Variants in GUCY2C observed in about 807,000 individuals in gnomAD.
GUCY2C encodes guanylyl cyclase C.
Under a neutral mutation model 131.1 loss-of-function variants are expected in GUCY2C, and 118 were observed. That is an observed-to-expected ratio of 0.90 (90% CI 0.78 to 1.05). The LOEUF is 1.05. Among genes scored for constraint, GUCY2C ranks in the 50% least tolerant of loss-of-function variants. GUCY2C has a pLI of 0.00. For synonymous variants in GUCY2C, 452 were observed against 457.8 expected (o/e 0.99, Z 0.16); for missense variants, 1,161 against 1,304.4 (o/e 0.89, Z 1.69).
At chr12:14,665,672 C>T (rs1305848477) in intron 10 of GUCY2C, 8 of 152,188 alleles carry the variant, frequency 5.3e-5, no homozygotes, top group African/African-American at 1.4e-4. Context: ...GGCACCAAAT[C>T]TGCATTGTCC....
chr12:14,642,350 C>T (rs998869567), intron 17 of GUCY2C, among the ~76,000 whole-genome samples: 1 of 152,162 alleles, frequency 6.6e-6, no homozygotes, highest in Admixed American at 6.5e-5. Context: ...AATTTTTCTT[C>T]AACATGCTTC....
intron 26 of GUCY2C, among the ~76,000 whole-genome samples, chr12:14,614,173 G>A (rs1284187482): frequency 3.3e-5 from 5 of 152,088 alleles, no homozygotes; most frequent in Non-Finnish European, 7.4e-5. Context: ...CTGTTCTCCC[G>A]AGCAAGCCTG....
At chr12:14,663,484 C>A (rs1026820318) in intron 10 of GUCY2C, among the ~76,000 whole-genome samples, 2 of 152,084 alleles carry the variant, frequency 1.3e-5, no homozygotes, top group Admixed American at 6.5e-5. Flanking sequence ...GGTTTCATCA[C>A]GTTGGCCAGG....
In GUCY2C at chr12:14,651,501, A is replaced by T; in HGVS notation, c.1616T>A (p.Ile539Asn). The T allele has an allele frequency of 6.3e-7, 1 of 1,583,578 alleles. No individual in the cohort carries two copies. Among genetic ancestry groups the T allele is most frequent in the Non-Finnish European group, 8.7e-7 (1 of 1,152,524 alleles). ...QKIELNKLLQ[I>N]DYYNLTKFYG... The stretch of plus-strand genomic sequence containing the variant: ...GAACTTGGTCAGGTTGTAATAGTCA[A>T]TCTGAAGCAACTAGAAGAACGTGTT... Residue 539 changes from isoleucine (I) to asparagine (N), a missense_variant, in exon 15 of 27, where the codon ATT (isoleucine) becomes AAT (asparagine). Ile to Asn is a moderately radical substitution (Grantham distance 149). Coordinates refer to ENST00000261170, the MANE Select transcript of GUCY2C (RefSeq NM_004963.4).
At chr12:14,624,224 T>A (rs1198793484) in intron 21 of GUCY2C, among the ~76,000 whole-genome samples, 6 of 152,168 alleles carry the variant, frequency 3.9e-5, no homozygotes, top group Non-Finnish European at 7.3e-5. Flanking sequence ...GTGAATCACC[T>A]GAGGTCAGGA....
chr12:14,663,033 T>C lies in GUCY2C; in HGVS notation c.1283-1971A>G, dbSNP rs1218557099. On this transcript the variant is annotated intron_variant, in intron 10 of 26. Transcript: ENST00000261170. ...AATAATTGTACCGACAAAAAAGATA[T>C]AACTATATGGGAAGAAGTGAGAAAG... Among the ~76,000 whole-genome samples, 4 of 152,142 alleles carry C rather than the reference T, an allele frequency of 2.6e-5. No individual in the cohort carries two copies. The East Asian group carries it at 7.7e-4, about 29-fold the overall frequency.
At chr12:14,668,183 A>T (rs1425655612) in intron 10 of GUCY2C, among the ~76,000 whole-genome samples, 3 of 146,008 alleles carry the variant, frequency 2.1e-5, no homozygotes, top group African/African-American at 5.1e-5. Flanking sequence ...ATATATATAT[A>T]TTTTTGAGAC....
At chr12:14,640,246 C>T (rs995429439) in intron 18 of GUCY2C, among the ~76,000 whole-genome samples, 3 of 152,014 alleles carry the variant, frequency 2.0e-5, no homozygotes, top group Non-Finnish European at 4.4e-5. Context: ...GGGGATCACT[C>T]GAGCTCAGGA....
At position 14,653,547 on chromosome 12, in the gene GUCY2C, A is replaced by G. The variant is rs548056728; in HGVS notation, c.1471-533T>C. 2.0e-5 allele frequency among the ~76,000 whole-genome samples: 3 copies of G among 152,348 alleles called. No individual in the cohort carries two copies. The South Asian group carries it at 6.2e-4, about 32-fold the overall frequency. The stretch of plus-strand genomic sequence containing the variant: ...TTATATGCTATCTCGTGACATTTGT[A>G]TGTTGGCAATTAATTTTTAAAATGT... On this transcript the variant is annotated intron_variant, in intron 12 of 26. Transcript: ENST00000261170.
At chr12:14,645,208 C>G (rs765367936) in intron 16 of GUCY2C, 21 bp downstream of exon 16, 5 of 1,233,938 alleles carry the variant, frequency 4.1e-6, no homozygotes, top group Non-Finnish European at 5.9e-6. Flanking sequence ...TTCATATTTT[C>G]TGTGTGTGTG....
chr12:14,681,258 A>T (rs577058603), intron 5 of GUCY2C, 98 bp downstream of exon 5: 1 of 1,011,992 alleles, frequency 9.9e-7, no homozygotes, highest in Non-Finnish European at 1.5e-6. Context: ...AGTAAGGATG[A>T]TAGCTCTGCA....
At position 14,676,919 on chromosome 12, in the gene GUCY2C, G is replaced by T; in HGVS notation, c.883C>A (p.Leu295Ile). 1 of 1,576,624 alleles carries T rather than the reference G, an allele frequency of 6.3e-7. No homozygotes were observed. The highest frequency in any genetic ancestry group is 8.7e-7 in the Non-Finnish European group (1 of 1,153,866). Residue 295 changes from leucine (L) to isoleucine (I), a missense_variant, in exon 7 of 27, where the codon CTT (leucine) becomes ATT (isoleucine). Transcript: ENST00000261170. ...TTCCCAGGAGACAGCGTCAGAACAA[G>T]GACATTTTTCATATAGTCAGGGGCT... The part of the protein sequence containing the change: ...VTAPDYMKNV[L>I]VLTLSPGNSL...
At chr12:14,638,263 T>A (rs1427794735) in intron 19 of GUCY2C, among the ~76,000 whole-genome samples, 1 of 152,178 alleles carries the variant, frequency 6.6e-6, no homozygotes, top group East Asian at 1.9e-4. Flanking sequence ...TACACACTGT[T>A]GATGGGAATG....
intron 12 of GUCY2C, among the ~76,000 whole-genome samples, chr12:14,656,185 A>G (rs1947759290): frequency 6.6e-6 from 1 of 152,222 alleles, no homozygotes; most frequent in African/African-American, 2.4e-5. Context: ...TTAGCATCCA[A>G]GGTTTAGGGG....
intron 1 of GUCY2C, among the ~76,000 whole-genome samples, chr12:14,693,200 G>A (rs999154517): frequency 6.6e-5 from 10 of 152,076 alleles, no homozygotes; most frequent in African/African-American, 1.9e-4. Context: ...AATATGGGGC[G>A]AGCTCAGAAC....
chr12:14,623,308 G>T (rs1287019736), intron 21 of GUCY2C, among the ~76,000 whole-genome samples: 5 of 152,160 alleles, frequency 3.3e-5, no homozygotes, highest in African/African-American at 4.8e-5. Flanking sequence ...AAGGAGGTGG[G>T]CTCTCCCGGA....
rs773986222 is a variant in GUCY2C, at chr12:14,622,239, A to G, written c.2409-42T>C. On this transcript the variant is annotated intron_variant, in intron 21 of 26. Transcript: ENST00000261170. ...AAAAAAAATGCCTTCAACTTCAGCA[A>G]ATTTCTTCTTGTTTCACATAAATCT... 47 of 1,280,670 alleles carry G rather than the reference A, an allele frequency of 3.7e-5. No homozygotes were observed. In the South Asian group the frequency reaches 7.6e-4, roughly 21 times the overall value. The allele number at this position is 1,280,670 out of a possible 1,614,324, so 79.3% of individuals were successfully genotyped here. A position where few individuals can be genotyped will look rare whatever the true frequency, so the allele number is the denominator to read the frequency against.
chr12:14,691,137 C>A (rs1565638469), intron 1 of GUCY2C, among the ~76,000 whole-genome samples: 1 of 152,210 alleles, frequency 6.6e-6, no homozygotes, highest in African/African-American at 2.4e-5. Flanking sequence ...TGCACTTCTA[C>A]AGCCACTTGA....
At chr12:14,654,770 T>C (rs1243426674) in intron 12 of GUCY2C, among the ~76,000 whole-genome samples, 1 of 152,108 alleles carries the variant, frequency 6.6e-6, no homozygotes, top group Non-Finnish European at 1.5e-5. Flanking sequence ...AGGTGGAGCG[T>C]GTGGGAGCCC....
Sources: allele counts gnomAD v4.1 joint callset (sites outside exome capture counted in the v4.1 genomes callset), GRCh38; gene constraint gnomAD v4.1.1; transcripts MANE v1.5; gene names NCBI Gene and HGNC (gene_info 2026-07-23, HGNC 2026-07-21).